The following MTMR14 variants were observed in gnomAD, a reference collection of about 807,000 sequenced individuals.
MTMR14 encodes the protein myotubularin related protein 14, also known as phosphatidylinositol-3,5-bisphosphate 3-phosphatase MTMR14.
MTMR14 carries 48 observed loss-of-function variants against 86.3 expected under a neutral mutation model. The observed-to-expected ratio is 0.56, with a 90% CI of 0.44 to 0.71. The LOEUF is 0.71. MTMR14 is among the 30% of genes least tolerant of loss of function. MTMR14 has a pLI of 0.00. For synonymous variants in MTMR14, 366 were observed against 326.1 expected, an observed-to-expected ratio of 1.12 and a Z score of -1.32; for missense variants, 780 against 834.6, an observed-to-expected ratio of 0.93 and a Z score of 0.81.
At position 9,677,383 on chromosome 3, in the gene MTMR14, A is replaced by G. The variant is rs756436873; in HGVS notation, c.818A>G (p.Lys273Arg). The G allele has an allele frequency of 1.2e-6, 2 of 1,613,558 alleles. No homozygotes were observed. Among genetic ancestry groups the G allele is most frequent in the African/African-American group, 2.7e-5 (2 of 75,030 alleles). The change falls in exon 8 of 19, where the codon AAG becomes AGG. Residue 273 changes from lysine to arginine, a missense_variant. By Grantham distance (26) the Lys-to-Arg change is conservative (BLOSUM62 2). Coordinates refer to ENST00000296003, the MANE Select transcript of MTMR14 (RefSeq NM_001077525.3). This position sits in a 1 kb window ranked among gnomAD's most constrained non-coding sequence, Gnocchi z 4.2. Reference protein sequence around the residue: ...YMAEGLIFNWKQDYVDAPLSI... With the variant: ...YMAEGLIFNWRQDYVDAPLSI... ...GCAGAAGGGCTCATATTTAACTGGA[A>G]GCAGGTATGAGCAATAACATACATC...
chr3:9,691,738 G>C (rs1158334660), intron 17 of MTMR14, among the ~76,000 whole-genome samples: 4 of 152,186 alleles, frequency 2.6e-5, no homozygotes, highest in Non-Finnish European at 5.9e-5. Flanking sequence ...GGCTCTTGTA[G>C]CCAGTCCAGG....
chr3:9,692,519 C>A (rs528494985), intron 17 of MTMR14, among the ~76,000 whole-genome samples: 2 of 152,366 alleles, frequency 1.3e-5, no homozygotes, highest in Admixed American at 6.5e-5. Context: ...AGGCCAGGAC[C>A]AATGCTCTGA....
rs572714123 is a variant in MTMR14, at chr3:9,698,342, G to C, written c.1769+476G>C. On this transcript the variant is annotated intron_variant, in intron 18 of 18. Coordinates refer to ENST00000296003, the MANE Select transcript of MTMR14 (RefSeq NM_001077525.3). ...TGTTTTTGCCTCTGGGCAGGAATAA[G>C]AATTGGATGGGGATTCTAGATCCCA... Among the ~76,000 whole-genome samples the C allele has an allele frequency of 3.8e-4, 58 of 152,346 alleles. 1 individual carries two copies. Among genetic ancestry groups the C allele is most frequent in the Admixed American group, 6.5e-4 (10 of 15,310 alleles).
chr3:9,698,349 A>T lies in MTMR14; in HGVS notation c.1769+483A>T, dbSNP rs540457214. Among the ~76,000 whole-genome samples the T allele has an allele frequency of 5.3e-5, 8 of 152,308 alleles. No individual in the cohort carries two copies. The South Asian group carries it at 1.7e-3, about 32-fold the overall frequency. On this transcript the variant is annotated intron_variant, in intron 18 of 18. Coordinates refer to ENST00000296003, the MANE Select transcript of MTMR14 (RefSeq NM_001077525.3). ...GCCTCTGGGCAGGAATAAGAATTGG[A>T]TGGGGATTCTAGATCCCACACCTAC...
chr3:9,673,665 A>G (rs2048695461), intron 7 of MTMR14, among the ~76,000 whole-genome samples: 1 of 152,038 alleles, frequency 6.6e-6, no homozygotes, highest in African/African-American at 2.4e-5. Flanking sequence ...GCCTTGTGGG[A>G]GGGGTGTCCT....
At position 9,665,485 on chromosome 3, in the gene MTMR14, AGAG is replaced by A. The variant is rs1020708229; in HGVS notation, c.417+3121_417+3123del. On this transcript the variant is annotated intron_variant, in intron 3 of 18. Transcript: ENST00000296003. Reference sequence around the variant, plus strand: ...GGGACTTCAAAAAGGGGAGAGAGGAAGAGGAGGAGGAGGCAAGGGTTGAAGAAT... The same window carrying A: ...GGGACTTCAAAAAGGGGAGAGAGGAAGAGGAGGAGGCAAGGGTTGAAGAAT... 1.4e-4 allele frequency among the ~76,000 whole-genome samples: 21 copies of A among 152,224 alleles called. 3 individuals are homozygous for A. The highest frequency in any genetic ancestry group is 3.6e-4 in the African/African-American group (15 of 41,542).
intron 3 of MTMR14, among the ~76,000 whole-genome samples, chr3:9,663,490 G>A (rs1001277289): frequency 7.1e-6 from 1 of 141,102 alleles, no homozygotes; most frequent in African/African-American, 2.6e-5. Context: ...TTTTTGAGAT[G>A]GAGTCTCTCT....
chr3:9,684,107 C>T (rs562232920), intron 10 of MTMR14, among the ~76,000 whole-genome samples: 6 of 152,272 alleles, frequency 3.9e-5, no homozygotes, highest in South Asian at 2.1e-4. Flanking sequence ...CTTCTGGAAA[C>T]GTGTGTCTGG....
Position 9,649,642 on chromosome 3 carries a change from G to T in MTMR14, c.59G>T (p.Gly20Val). 6.4e-7 allele frequency: 1 copy of T among 1,574,240 alleles called. No individual in the cohort carries two copies. The highest frequency in any genetic ancestry group is 8.6e-7 in the Non-Finnish European group (1 of 1,161,010). Residue 20 changes from glycine (G) to valine (V), a missense_variant, in exon 1 of 19, where the codon GGC becomes GTC. Coordinates refer to ENST00000296003, the MANE Select transcript of MTMR14 (RefSeq NM_001077525.3). ...TCGGCGGGGTCCTCGGCCTCTTCAGGCAACCAGCCGCCTCAGGAGCTGGGG... is the reference window on the plus strand; with the variant it reads ...TCGGCGGGGTCCTCGGCCTCTTCAGTCAACCAGCCGCCTCAGGAGCTGGGG... ...AASAGSSASS[G>V]NQPPQELGLG...
At chr3:9,670,320 C>G (rs1481346514) in intron 5 of MTMR14, among the ~76,000 whole-genome samples, 1 of 152,218 alleles carries the variant, frequency 6.6e-6, no homozygotes, top group African/African-American at 2.4e-5. Flanking sequence ...CTCCCTAGAT[C>G]AGGTGACCTC....
chr3:9,694,949 G>T (rs537136706), intron 17 of MTMR14, among the ~76,000 whole-genome samples: 2 of 152,180 alleles, frequency 1.3e-5, no homozygotes, highest in South Asian at 2.1e-4. Flanking sequence ...GGTCTGAGCC[G>T]CTGGGATGTG....
At position 9,697,755 on chromosome 3, in the gene MTMR14, A is replaced by T; in HGVS notation, c.1658A>T (p.Tyr553Phe). The T allele has an allele frequency of 6.2e-7, 1 of 1,614,036 alleles. No homozygotes were observed. The highest frequency in any genetic ancestry group is 8.5e-7 in the Non-Finnish European group (1 of 1,179,992). Residue 553 changes from tyrosine to phenylalanine, a missense_variant, in exon 18 of 19, where the codon TAT becomes TTT. By Grantham distance (22) the Tyr-to-Phe change is conservative. Transcript: ENST00000296003. ...CCCGGATCCTCTCTCTCCACAGACT[A>T]TGGCAGCTGGCAGATGGTAACGGGC... is the stretch of plus-strand genomic sequence containing the variant. The part of the protein sequence containing the change: ...PLPGSSLSTD[Y>F]GSWQMVTGCG...
rs2048455644 is a variant in MTMR14 at position 9,669,511 on chromosome 3, T to C, written c.554+19T>C. 6.2e-7 allele frequency: 1 copy of C among 1,608,580 alleles called. No homozygotes were observed. The highest frequency in any genetic ancestry group is 1.3e-5 in the African/African-American group (1 of 74,684). ...CTCTTCGGTCAGTGCTGGGTTGCTG[T>C]GGTCAGGGGCTTGTGTTGGGGATGG... On this transcript the variant is annotated intron_variant, in intron 5 of 18. Transcript: ENST00000296003.
rs2076332843 is a variant in MTMR14 at position 9,697,879 on chromosome 3, C to T, written c.1769+13C>T. 2 of 1,613,992 alleles carry T rather than the reference C, an allele frequency of 1.2e-6. No individual in the cohort carries two copies. Among genetic ancestry groups the T allele is most frequent in the Non-Finnish European group, 1.7e-6 (2 of 1,180,034 alleles). ...CTAACAGTTGTCTGTAAGTGTCTTG[C>T]TTGAGAAGGCAGGATGCTCCCCTGC... On this transcript the variant is annotated intron_variant, in intron 18 of 18. Coordinates refer to ENST00000296003, the MANE Select transcript of MTMR14 (RefSeq NM_001077525.3).
At position 9,662,313 on chromosome 3, in the gene MTMR14, C is replaced by T. The variant is rs751708617; in HGVS notation, c.355C>T (p.Arg119Cys). The change falls in exon 3 of 19, where the codon CGC (arginine) becomes TGC (cysteine). Residue 119 changes from arginine (R) to cysteine (C), a missense_variant. Physicochemically the swap from Arg to Cys is radical, Grantham distance 180. Transcript: ENST00000296003. ...QVSKLQDLIH[R>C]SKMARCRGRF... is the part of the protein sequence containing the mutation. Reference sequence around the variant, plus strand: ...GAGCAAGTTGCAAGACCTCATCCACCGCAGCAAGATGGCCCGGTGCAGAGG... The same window carrying T: ...GAGCAAGTTGCAAGACCTCATCCACTGCAGCAAGATGGCCCGGTGCAGAGG... The T allele has an allele frequency of 1.1e-5, 17 of 1,613,268 alleles. No homozygotes were observed. In the African/African-American group the frequency reaches 1.1e-4, roughly 10 times the overall value.
At chr3:9,686,273 A>G (rs1385611444) in intron 13 of MTMR14, among the ~76,000 whole-genome samples, 1 of 152,222 alleles carries the variant, frequency 6.6e-6, no homozygotes, top group Non-Finnish European at 1.5e-5. Flanking sequence ...CAGTGCTTCA[A>G]GAAGCCTTTT....
chr3:9,696,886 C>A (rs978853772), intron 17 of MTMR14, among the ~76,000 whole-genome samples: 1 of 152,094 alleles, frequency 6.6e-6, no homozygotes, highest in Admixed American at 6.5e-5. Context: ...GGTGGAAGGG[C>A]CTTGTTTGAT....
intron 13 of MTMR14, among the ~76,000 whole-genome samples, chr3:9,685,712 TC>T (rs58762778): frequency 0.11 from 17,361 of 152,118 alleles, 975 homozygotes; most frequent in Admixed American, 0.13. Context: ...TGCCTCCAGG[TC>T]CCCTTTCCTC....
intron 6 of MTMR14, among the ~76,000 whole-genome samples, 165 bp from the exon 7 acceptor site, chr3:9,672,520 A>G (rs1260678803): frequency 1.3e-5 from 2 of 152,192 alleles, no homozygotes; most frequent in African/African-American, 4.8e-5. Context: ...CTGAAGTTAT[A>G]GTTCTTAATT....
Sources: allele counts gnomAD v4.1 joint callset (sites outside exome capture counted in the v4.1 genomes callset), GRCh38; gene constraint gnomAD v4.1.1; non-coding constraint Gnocchi (gnomAD v3.1); transcripts MANE v1.5; gene names NCBI Gene and HGNC (gene_info 2026-07-23, HGNC 2026-07-21).